Variants in C2orf78 observed in about 807,000 individuals in gnomAD.
C2orf78 encodes chromosome 2 open reading frame 78.
A neutral mutation model predicts 21.4 loss-of-function variants in C2orf78; 12 were observed. The ratio of observed to expected loss-of-function variants is 0.56; its 90% CI spans 0.36 to 0.91. The LOEUF is 0.91. Among genes scored for constraint, C2orf78 ranks in the 40% least tolerant of loss-of-function variants. The probability of loss-of-function intolerance (pLI) is 0.01; values close to 1 mark genes in which losing one functional copy is unlikely to be tolerated. For synonymous variants in C2orf78, 396 were observed against 413.9 expected (o/e 0.96, Z 0.52); for missense variants, 1,042 against 1,092.4 (o/e 0.95, Z 0.65).
intron 1 of C2orf78, among the ~76,000 whole-genome samples, chr2:73,785,894 A>G (rs1405908956): frequency 6.6e-6 from 1 of 151,936 alleles, no homozygotes; most frequent in Non-Finnish European, 1.5e-5. Flanking sequence ...TAAAAATACC[A>G]AATTAGCCGG....
At chr2:73,809,796 A>G (rs940041040) in intron 1 of C2orf78, among the ~76,000 whole-genome samples, 2 of 152,164 alleles carry the variant, frequency 1.3e-5, no homozygotes, top group African/African-American at 4.8e-5. Context: ...AGAAACAAAT[A>G]AACAAACAAA....
chr2:73,814,116 T>C, exon 2 of C2orf78: 1 of 1,612,806 alleles, frequency 6.2e-7, no homozygotes, highest in Middle Eastern at 1.7e-4. Context: ...CAACCAGAAA[T>C]GGTGATGGTG....
At chr2:73,784,205 C>T (rs1672877290) in exon 1 of C2orf78, 4 of 1,510,706 alleles carry the variant, frequency 2.6e-6, no homozygotes, top group African/African-American at 1.4e-5. Context: ...AACCGACCAC[C>T]ACCTGGTAGC....
intron 1 of C2orf78, chr2:73,808,968 C>T (rs1219866228): frequency 1.6e-5 from 9 of 571,046 alleles, no homozygotes; most frequent in African/African-American, 3.8e-5. Flanking sequence ...AGATTTCTTT[C>T]CCCCTATATT....
exon 3 of C2orf78, chr2:73,816,738 C>A (rs745480372): frequency 6.2e-7 from 1 of 1,613,884 alleles, no homozygotes; most frequent in Non-Finnish European, 8.5e-7. Flanking sequence ...CCGGTCACTG[C>A]CCAAGCCTCA....
intron 1 of C2orf78, among the ~76,000 whole-genome samples, chr2:73,810,383 CGGGCAT>C (rs1339896178): frequency 6.6e-6 from 1 of 151,358 alleles, no homozygotes; most frequent in African/African-American, 2.4e-5. Flanking sequence ...CAAAATTAGC[CGGGCAT>C]GGTGGCACAT....
At chr2:73,810,461 A>G (rs1673056515) in intron 1 of C2orf78, among the ~76,000 whole-genome samples, 1 of 150,832 alleles carries the variant, frequency 6.6e-6, no homozygotes, top group African/African-American at 2.4e-5. Context: ...CAGGAGGTGT[A>G]GGTTGCAGTG....
chr2:73,810,233 A>G (rs985505798), intron 1 of C2orf78, among the ~76,000 whole-genome samples: 1 of 152,048 alleles, frequency 6.6e-6, no homozygotes, highest in African/African-American at 2.4e-5. Context: ...TAAACATTTT[A>G]GAAATATGCT....
chr2:73,784,490 C>A (rs1437163132), intron 1 of C2orf78, 84 bp downstream of exon 1: 11 of 549,960 alleles, frequency 2.0e-5, no homozygotes, highest in Non-Finnish European at 2.9e-5. Flanking sequence ...TATTCCCAAA[C>A]AGCTTGGAAT....
intron 1 of C2orf78, among the ~76,000 whole-genome samples, chr2:73,813,065 G>T (rs1025549392): frequency 2.0e-5 from 3 of 152,134 alleles, no homozygotes; most frequent in Middle Eastern, 3.2e-3. Context: ...CTTAAAACAG[G>T]TCAATCTGAC....
chr2:73,812,602 AC>A (rs1264698415), intron 1 of C2orf78, among the ~76,000 whole-genome samples: 1 of 152,126 alleles, frequency 6.6e-6, no homozygotes, highest in African/African-American at 2.4e-5. Flanking sequence ...GGAGTTTGAG[AC>A]CAGCCTGGTA....
At chr2:73,811,708 C>G (rs1673093100) in intron 1 of C2orf78, among the ~76,000 whole-genome samples, 1 of 151,964 alleles carries the variant, frequency 6.6e-6, no homozygotes, top group South Asian at 2.1e-4. Context: ...TGGATTCTAG[C>G]AGTTGTTTTT....
intron 1 of C2orf78, among the ~76,000 whole-genome samples, chr2:73,807,753 A>T (rs1558539929): frequency 7.5e-6 from 1 of 132,692 alleles, no homozygotes. Flanking sequence ...TTGGCCCAGA[A>T]ACAATGCCTA....
exon 3 of C2orf78, chr2:73,816,581 A>C: frequency 1.9e-6 from 3 of 1,613,402 alleles, no homozygotes; most frequent in Non-Finnish European, 1.7e-6. Context: ...CAGCTCAGCC[A>C]ATTTCAGCCA....
At chr2:73,813,559 A>G in exon 2 of C2orf78, 1 of 1,613,968 alleles carries the variant, frequency 6.2e-7, no homozygotes, top group Non-Finnish European at 8.5e-7. Flanking sequence ...CAGCTTTCTT[A>G]ACAGGAAGCA....
At chr2:73,813,540 T>C in exon 2 of C2orf78, 5 of 1,613,946 alleles carry the variant, frequency 3.1e-6, no homozygotes, top group Non-Finnish European at 4.2e-6. Context: ...CTTCCTGTGG[T>C]GAGCAATGCA....
intron 1 of C2orf78, among the ~76,000 whole-genome samples, chr2:73,810,969 C>CATATATATATATAT (rs35395110): frequency 1.5e-4 from 20 of 136,118 alleles, no homozygotes; most frequent in African/African-American, 5.4e-4. Context: ...ATGTATATTT[C>CATATATATATATAT]ATATATATAT....
chr2:73,816,271 G>T, exon 3 of C2orf78: 2 of 1,613,798 alleles, frequency 1.2e-6, no homozygotes, highest in Non-Finnish European at 1.7e-6. Context: ...GAGGGTAAAG[G>T]CCCGGAGAAA....
At chr2:73,815,459 T>C (rs1673173699) in exon 3 of C2orf78, 1 of 1,613,850 alleles carries the variant, frequency 6.2e-7, no homozygotes, top group East Asian at 2.2e-5. Context: ...AGCAGCCTGG[T>C]TCTGAAAATG....
Sources: allele counts gnomAD v4.1 joint callset (sites outside exome capture counted in the v4.1 genomes callset), GRCh38; gene constraint gnomAD v4.1.1; transcripts MANE v1.5; gene names NCBI Gene and HGNC (gene_info 2026-07-23, HGNC 2026-07-21).